SHTN1: variants seen among roughly 807,000 people sequenced by gnomAD.
SHTN1 encodes shootin 1.
Under a neutral mutation model 83.1 loss-of-function variants are expected in SHTN1, and 42 were observed. The ratio of observed to expected loss-of-function variants is 0.51; its 90% CI spans 0.39 to 0.65. The LOEUF is 0.65. Ranked by LOEUF, SHTN1 falls within the 30% of genes least tolerant of loss-of-function variation. The pLI, the probability that SHTN1 is intolerant of heterozygous loss-of-function variation, is 0.00. For synonymous variants in SHTN1, 224 were observed against 247.7 expected (o/e 0.90, Z 0.90); for missense variants, 622 against 737.8 (o/e 0.84, Z 1.82).
intron 2 of SHTN1, among the ~76,000 whole-genome samples, chr10:117,041,319 T>G (rs759631691): frequency 1.3e-5 from 2 of 152,138 alleles, no homozygotes; most frequent in African/African-American, 4.8e-5. Context: ...CAACAGAAAG[T>G]TGGGTTTTTA....
chr10:117,043,952 G>A (rs1776341557), intron 2 of SHTN1, among the ~76,000 whole-genome samples: 1 of 152,094 alleles, frequency 6.6e-6, no homozygotes, highest in Admixed American at 6.6e-5. Context: ...TGTGCAATAA[G>A]GGGAAATTTA....
At chr10:117,114,255 T>G (rs535944806) in intron 1 of SHTN1, among the ~76,000 whole-genome samples, 1 of 152,068 alleles carries the variant, frequency 6.6e-6, no homozygotes, top group Admixed American at 6.6e-5. Context: ...AGAATCGAGA[T>G]TCAAACCCAA....
At chr10:116,953,382 T>C (rs377019892) in intron 5 of SHTN1, among the ~76,000 whole-genome samples, 50 of 152,306 alleles carry the variant, frequency 3.3e-4, no homozygotes, top group Non-Finnish European at 4.7e-4. Context: ...CTTAAGGTTA[T>C]AGTATAACTG....
At chr10:117,126,284 C>A in intron 1 of SHTN1, 1 of 158,740 alleles carries the variant, frequency 6.3e-6, no homozygotes, top group Non-Finnish European at 1.4e-5. Context: ...GCCGCTAAAA[C>A]CGTCAAAGCA....
At chr10:117,065,807 A>G (rs1220468094) in intron 1 of SHTN1, among the ~76,000 whole-genome samples, 6 of 71,518 alleles carry the variant, frequency 8.4e-5, no homozygotes, top group African/African-American at 1.3e-4. Context: ...GAAGGAAGGA[A>G]GGAAGGAAGG....
chr10:117,072,811 A>AC (rs1192099915), intron 1 of SHTN1, among the ~76,000 whole-genome samples: 1 of 151,992 alleles, frequency 6.6e-6, no homozygotes, highest in Non-Finnish European at 1.5e-5. Flanking sequence ...GCTCTTTAAC[A>AC]CCCCCAAAAA....
At chr10:117,087,792 T>C (rs1442165020) in intron 1 of SHTN1, among the ~76,000 whole-genome samples, 4 of 152,202 alleles carry the variant, frequency 2.6e-5, no homozygotes, top group Non-Finnish European at 4.4e-5. Flanking sequence ...TTTTTTGCAA[T>C]GTATTTAAAT....
intron 1 of SHTN1, among the ~76,000 whole-genome samples, chr10:116,988,391 G>A (rs959653238): frequency 6.6e-6 from 1 of 151,546 alleles, no homozygotes; most frequent in African/African-American, 2.4e-5. Context: ...AAAGGATCTT[G>A]ATATAGTAGT....
chr10:116,927,083 A>G (rs1848769646), intron 11 of SHTN1, among the ~76,000 whole-genome samples: 1 of 152,240 alleles, frequency 6.6e-6, no homozygotes, highest in African/African-American at 2.4e-5. Flanking sequence ...GGATAAAAGT[A>G]ATTAATACTT....
At chr10:117,010,852 G>A (rs1022615324) in intron 2 of SHTN1, among the ~76,000 whole-genome samples, 2 of 152,110 alleles carry the variant, frequency 1.3e-5, no homozygotes, top group African/African-American at 2.4e-5. Flanking sequence ...AGACAGAAAA[G>A]GCATTTGACA....
At chr10:117,031,085 G>C (rs1168081294) in intron 2 of SHTN1, among the ~76,000 whole-genome samples, 1 of 151,788 alleles carries the variant, frequency 6.6e-6, no homozygotes, top group Non-Finnish European at 1.5e-5. Context: ...CAAAGGTCAA[G>C]GACAAATAAA....
At chr10:117,085,982 G>A (rs1056293468) in intron 1 of SHTN1, among the ~76,000 whole-genome samples, 9 of 144,986 alleles carry the variant, frequency 6.2e-5, no homozygotes, top group East Asian at 4.1e-4. Flanking sequence ...GTGCAGTAGC[G>A]TGATCTCGGC....
At chr10:116,964,072 G>C (rs1850305744) in intron 3 of SHTN1, among the ~76,000 whole-genome samples, 1 of 151,278 alleles carries the variant, frequency 6.6e-6, no homozygotes, top group Non-Finnish European at 1.5e-5. Context: ...CTAGCACAAT[G>C]CTACATGCAA....
At chr10:117,086,878 A>C (rs895453360) in intron 1 of SHTN1, among the ~76,000 whole-genome samples, 1 of 152,238 alleles carries the variant, frequency 6.6e-6, no homozygotes, top group Non-Finnish European at 1.5e-5. Context: ...ATGAGTGGAT[A>C]AACAAAATGT....
Position 117,064,802 on chromosome 10 carries a change from A to C in SHTN1, c.-188-16292T>G, listed in dbSNP as rs558747500. Among the ~76,000 whole-genome samples, 10 of 152,266 alleles carry C rather than the reference A, an allele frequency of 6.6e-5. No individual in the cohort carries two copies. In the South Asian group the frequency reaches 2.1e-3, roughly 32 times the overall value. ...AAGCCAGCGATCTAAATTGAACCTT[A>C]CTGTCTGTTCTTTGGGATAATTCCG... On this transcript the variant is annotated intron_variant, in intron 1 of 17. Transcript: ENST00000392901.
intron 2 of SHTN1, among the ~76,000 whole-genome samples, chr10:117,035,562 T>C (rs887634864): frequency 1.3e-5 from 2 of 151,926 alleles, no homozygotes; most frequent in African/African-American, 4.8e-5. Context: ...GGAGAAAATA[T>C]TTGCAAACTA....
chr10:116,920,256 G>A (rs1488431363), intron 12 of SHTN1, among the ~76,000 whole-genome samples: 1 of 152,134 alleles, frequency 6.6e-6, no homozygotes, highest in Admixed American at 6.5e-5. Context: ...AATTAGAACG[G>A]CAGGCACAGG....
intron 1 of SHTN1, among the ~76,000 whole-genome samples, chr10:117,117,679 G>A (rs1853867296): frequency 2.0e-5 from 3 of 152,140 alleles, no homozygotes; most frequent in Admixed American, 2.0e-4. Flanking sequence ...GCATGGTACT[G>A]GCATAAAAAC....
chr10:116,994,435 A>T (rs1336398205), intron 1 of SHTN1, among the ~76,000 whole-genome samples: 1 of 152,076 alleles, frequency 6.6e-6, no homozygotes, highest in East Asian at 1.9e-4. Flanking sequence ...GGTCTTTTTT[A>T]AAAGATTTTC....
Sources: gnomAD v4.1 joint callset for allele counts (sites outside exome capture counted in the v4.1 genomes callset) on GRCh38, gnomAD v4.1.1 for gene constraint, MANE v1.5 for transcripts, NCBI Gene and HGNC (gene_info 2026-07-23, HGNC 2026-07-21) for gene names.